Variants in ADAMTSL1 observed in about 807,000 individuals in gnomAD.
ADAMTSL1 encodes the protein ADAMTS like 1.
In ADAMTSL1, 126 loss-of-function variants were observed where a neutral mutation model predicts 201.8. The observed-to-expected ratio is 0.62, with a 90% CI of 0.54 to 0.72. ADAMTSL1 has a LOEUF of 0.72. Among genes scored for constraint, ADAMTSL1 ranks in the 30% least tolerant of loss-of-function variants. The pLI is 0.00. For missense variants in ADAMTSL1, 2,679 were observed against 2,277.8 expected (o/e 1.18, Z -3.59); for synonymous variants, 1,121 against 903.4 (o/e 1.24, Z -4.32).
intron 20 of ADAMTSL1, among the ~76,000 whole-genome samples, chr9:18,810,068 C>T (rs926129865): frequency 3.3e-5 from 5 of 152,134 alleles, no homozygotes; most frequent in Admixed American, 2.6e-4. Flanking sequence ...GTAGCTCTAA[C>T]TCTGAGTAGG....
chr9:18,402,587 G>A (rs987612867), intron 2 of ADAMTSL1, among the ~76,000 whole-genome samples: 8 of 152,066 alleles, frequency 5.3e-5, no homozygotes, highest in Non-Finnish European at 8.8e-5. Flanking sequence ...AGATTTTTCA[G>A]CATCCCTATA....
chr9:18,702,592 A>G (rs1831984833), intron 13 of ADAMTSL1, among the ~76,000 whole-genome samples: 1 of 152,214 alleles, frequency 6.6e-6, no homozygotes, highest in Non-Finnish European at 1.5e-5. Context: ...GCCAGCCAGA[A>G]GCATTAATCA....
rs1457490259 is a variant in ADAMTSL1 at position 18,509,140 on chromosome 9, C to T, written c.191+4184C>T. On this transcript the variant is annotated intron_variant, in intron 2 of 28. Transcript: ENST00000380548. Reference sequence around the variant, plus strand: ...CGGAGCTTGCAGTGAGCCGAGATTGCGCCACTGCAGTCCGCAGTCCGGCCT... The same window carrying T: ...CGGAGCTTGCAGTGAGCCGAGATTGTGCCACTGCAGTCCGCAGTCCGGCCT... Among the ~76,000 whole-genome samples the T allele has an allele frequency of 1.5e-4, 12 of 77,802 alleles. 3 individuals carry two copies. Among genetic ancestry groups the T allele is most frequent in the African/African-American group, 3.3e-4 (5 of 15,194 alleles). 51.0% of individuals were successfully genotyped at this position (77,802 alleles called of 152,430 possible). A position where few individuals can be genotyped will look rare whatever the true frequency, so the allele number is the denominator to read the frequency against.
At chr9:18,577,617 G>A (rs1822819050) in intron 4 of ADAMTSL1, among the ~76,000 whole-genome samples, 1 of 152,194 alleles carries the variant, frequency 6.6e-6, no homozygotes, top group African/African-American at 2.4e-5. Flanking sequence ...CTAGACCATA[G>A]TGTACCAAAG....
intron 2 of ADAMTSL1, among the ~76,000 whole-genome samples, chr9:18,226,987 T>C (rs1434393662): frequency 2.6e-5 from 4 of 152,166 alleles, no homozygotes; most frequent in Admixed American, 6.6e-5. Flanking sequence ...TGCATTCCTG[T>C]TTGCACACAT....
chr9:18,087,081 T>G (rs1240958797), intron 1 of ADAMTSL1, among the ~76,000 whole-genome samples: 1 of 152,208 alleles, frequency 6.6e-6, no homozygotes, highest in Non-Finnish European at 1.5e-5. Flanking sequence ...ATTCTTGCTT[T>G]GCTTAACTTG....
intron 1 of ADAMTSL1, among the ~76,000 whole-genome samples, chr9:18,134,028 G>A (rs1253799700): frequency 6.6e-6 from 1 of 152,104 alleles, no homozygotes; most frequent in Non-Finnish European, 1.5e-5. Flanking sequence ...GAATAGTAAG[G>A]AATGAAAATG....
chr9:18,868,835 C>A (rs1243413208), intron 23 of ADAMTSL1, among the ~76,000 whole-genome samples: 1 of 152,172 alleles, frequency 6.6e-6, no homozygotes, highest in African/African-American at 2.4e-5. Context: ...TTCTTTGTCT[C>A]ATCAATTTGT....
At chr9:18,321,309 A>G (rs1310272446) in intron 2 of ADAMTSL1, among the ~76,000 whole-genome samples, 2 of 152,248 alleles carry the variant, frequency 1.3e-5, no homozygotes, top group African/African-American at 4.8e-5. Flanking sequence ...GTAGAGAGCA[A>G]AAACTGACAT....
intron 2 of ADAMTSL1, among the ~76,000 whole-genome samples, chr9:18,294,583 T>C (rs558715500): frequency 4.7e-4 from 71 of 152,248 alleles, no homozygotes; most frequent in Non-Finnish European, 9.4e-4. Flanking sequence ...CTGGTGGTGA[T>C]ATTGGAAGAC....
chr9:17,966,170 A>G (rs1024859523), intron 1 of ADAMTSL1, among the ~76,000 whole-genome samples: 2 of 152,172 alleles, frequency 1.3e-5, no homozygotes, highest in Non-Finnish European at 2.9e-5. Flanking sequence ...CTGAATACTC[A>G]TCAATGAATA....
chr9:18,446,375 A>T (rs772996934), intron 2 of ADAMTSL1, among the ~76,000 whole-genome samples: 1 of 152,246 alleles, frequency 6.6e-6, no homozygotes, highest in Non-Finnish European at 1.5e-5. Flanking sequence ...TAAAGGCATG[A>T]ACTAAAAATG....
chr9:18,601,746 A>G (rs1824671946), intron 4 of ADAMTSL1, among the ~76,000 whole-genome samples: 1 of 151,724 alleles, frequency 6.6e-6, no homozygotes, highest in Non-Finnish European at 1.5e-5. Flanking sequence ...TAGCACATAT[A>G]TACACATTTA....
intron 2 of ADAMTSL1, among the ~76,000 whole-genome samples, chr9:18,219,355 ATTT>A (rs1830171604): frequency 6.8e-6 from 1 of 147,828 alleles, no homozygotes; most frequent in East Asian, 2.0e-4. Flanking sequence ...TTATTTATTT[ATTT>A]ATTTATTTAT....
chr9:18,349,056 A>C (rs192943106), intron 2 of ADAMTSL1, among the ~76,000 whole-genome samples: 1 of 152,306 alleles, frequency 6.6e-6, no homozygotes, highest in East Asian at 1.9e-4. Flanking sequence ...ATTTGTCCAA[A>C]GTCATACATT....
intron 23 of ADAMTSL1, among the ~76,000 whole-genome samples, chr9:18,841,536 A>G (rs201940819): frequency 0.4 from 60,488 of 151,864 alleles, 12,438 homozygotes; most frequent in Non-Finnish European, 0.45. Context: ...TGGTATCAGG[A>G]TGATGCTGGC....
At chr9:18,462,866 G>T (rs1189916186) in intron 2 of ADAMTSL1, among the ~76,000 whole-genome samples, 6 of 152,046 alleles carry the variant, frequency 3.9e-5, no homozygotes, top group African/African-American at 1.4e-4. Flanking sequence ...TTGAACCCAG[G>T]AGGTGGAGGT....
At chr9:18,179,393 C>T (rs140187080) in intron 2 of ADAMTSL1, among the ~76,000 whole-genome samples, 12 of 152,280 alleles carry the variant, frequency 7.9e-5, no homozygotes, top group Non-Finnish European at 1.5e-4. Flanking sequence ...ACCAAATCTA[C>T]GTCTGACTGG....
chr9:18,001,383 A>G (rs1038216488), intron 1 of ADAMTSL1, among the ~76,000 whole-genome samples: 7 of 151,640 alleles, frequency 4.6e-5, no homozygotes, highest in South Asian at 2.1e-4. Context: ...CTTAGATAAG[A>G]GATTGGAACT....
Sources: gnomAD v4.1 joint callset for allele counts (sites outside exome capture counted in the v4.1 genomes callset) on GRCh38, gnomAD v4.1.1 for gene constraint, MANE v1.5 for transcripts, NCBI Gene and HGNC (gene_info 2026-07-23, HGNC 2026-07-21) for gene names.